CTNNA3: variants seen among roughly 807,000 people sequenced by gnomAD.
The protein encoded by CTNNA3 is catenin alpha 3.
A neutral mutation model predicts 95.7 loss-of-function variants in CTNNA3; 76 were observed. That is an observed-to-expected ratio of 0.79 (90% CI 0.66 to 0.96). The LOEUF (loss-of-function observed/expected upper bound fraction) is 0.96, where lower values mean the gene tolerates loss of function less well. Ranked by LOEUF, CTNNA3 falls within the 40% of genes least tolerant of loss-of-function variation. The probability of loss-of-function intolerance (pLI) is 0.00; values close to 1 mark genes in which losing one functional copy is unlikely to be tolerated. For synonymous variants in CTNNA3, 431 were observed against 374.4 expected (o/e 1.15, Z -1.74); for missense variants, 1,191 against 1,089.8 (o/e 1.09, Z -1.31).
intron 7 of CTNNA3, among the ~76,000 whole-genome samples, chr10:67,104,259 G>A (rs1431277564): frequency 6.6e-6 from 1 of 151,718 alleles, no homozygotes; most frequent in Non-Finnish European, 1.5e-5. Context: ...CAATGACATG[G>A]CTTGAGCTAC....
intron 5 of CTNNA3, among the ~76,000 whole-genome samples, chr10:67,224,225 A>C (rs1324301090): frequency 6.6e-6 from 1 of 152,132 alleles, no homozygotes; most frequent in Non-Finnish European, 1.5e-5. Context: ...GAAAGTGTAT[A>C]CCCTTTGACC....
intron 10 of CTNNA3, among the ~76,000 whole-genome samples, chr10:66,618,057 A>C (rs1373376235): frequency 6.6e-6 from 1 of 151,618 alleles, no homozygotes; most frequent in Admixed American, 6.6e-5. Flanking sequence ...CAAGGAAATA[A>C]AAAAGGATAC....
chr10:67,623,423 T>G (rs1227169591), intron 2 of CTNNA3, among the ~76,000 whole-genome samples: 1 of 151,858 alleles, frequency 6.6e-6, no homozygotes, highest in Admixed American at 6.6e-5. Context: ...TTAGAGGGGG[T>G]TGTGGTCAAG....
At chr10:66,244,379 G>T (rs1341656293) in intron 13 of CTNNA3, among the ~76,000 whole-genome samples, 2 of 152,186 alleles carry the variant, frequency 1.3e-5, no homozygotes, top group African/African-American at 4.8e-5. Context: ...TGACTGTAGA[G>T]CCCTAGGTCC....
chr10:66,438,355 C>A (rs139903129), intron 11 of CTNNA3, among the ~76,000 whole-genome samples: 1 of 152,158 alleles, frequency 6.6e-6, no homozygotes, highest in Non-Finnish European at 1.5e-5. Context: ...ATTTATAAGC[C>A]CCTGACTGTG....
intron 11 of CTNNA3, among the ~76,000 whole-genome samples, chr10:66,457,812 A>G (rs1004590207): frequency 9.2e-5 from 14 of 152,222 alleles, no homozygotes; most frequent in Non-Finnish European, 1.3e-4. Flanking sequence ...TGCAGATCCA[A>G]TTGCATCTTG....
chr10:66,791,087 T>C (rs1341297942), intron 7 of CTNNA3, among the ~76,000 whole-genome samples: 1 of 152,210 alleles, frequency 6.6e-6, no homozygotes, highest in Non-Finnish European at 1.5e-5. Flanking sequence ...CTACAGCCAG[T>C]GTGATCTTAA....
intron 11 of CTNNA3, among the ~76,000 whole-genome samples, chr10:66,462,992 C>T (rs549218362): frequency 1.6e-3 from 247 of 152,132 alleles, no homozygotes; most frequent in African/African-American, 5.7e-3. Flanking sequence ...GAGGAATGAA[C>T]GATAGGCAGT....
chr10:65,986,863 A>T (rs1387656319), intron 16 of CTNNA3, among the ~76,000 whole-genome samples: 1 of 151,736 alleles, frequency 6.6e-6, no homozygotes, highest in African/African-American at 2.4e-5. Context: ...AAAAAAAAAA[A>T]CCACATAGAC....
At chr10:67,535,191 A>G (rs886114975) in intron 4 of CTNNA3, among the ~76,000 whole-genome samples, 2 of 152,182 alleles carry the variant, frequency 1.3e-5, no homozygotes, top group Admixed American at 1.3e-4. Flanking sequence ...ATAAAGAAGC[A>G]TGGTTTATAC....
At chr10:66,798,041 T>C (rs1841281202) in intron 7 of CTNNA3, among the ~76,000 whole-genome samples, 1 of 151,848 alleles carries the variant, frequency 6.6e-6, no homozygotes. Context: ...CTATCTACTT[T>C]CTTCATGATA....
chr10:67,249,362 C>G (rs1743294758), intron 5 of CTNNA3, among the ~76,000 whole-genome samples: 1 of 152,172 alleles, frequency 6.6e-6, no homozygotes, highest in South Asian at 2.1e-4. Context: ...AAACCAAAAT[C>G]TATGATCTTC....
chr10:67,564,715 A>ATATATATG (rs1564744607), intron 3 of CTNNA3, among the ~76,000 whole-genome samples: 6 of 86,336 alleles, frequency 6.9e-5, no homozygotes, highest in African/African-American at 2.1e-4. Context: ...ATATATATAT[A>ATATATATG]TATCACTATG....
chr10:66,176,960 A>G (rs72795361), intron 13 of CTNNA3, among the ~76,000 whole-genome samples: 9,213 of 132,514 alleles, frequency 0.07, 340 homozygotes, highest in Admixed American at 0.11. Flanking sequence ...TTCTTAAGGG[A>G]AAAAAAAAAG....
At chr10:66,613,239 T>C (rs1389818650) in intron 10 of CTNNA3, among the ~76,000 whole-genome samples, 1 of 152,098 alleles carries the variant, frequency 6.6e-6, no homozygotes, top group Non-Finnish European at 1.5e-5. Context: ...CCATGACTTC[T>C]CCTCCACAAA....
At chr10:66,881,714 G>A (rs1844859104) in intron 7 of CTNNA3, among the ~76,000 whole-genome samples, 1 of 152,008 alleles carries the variant, frequency 6.6e-6, no homozygotes, top group South Asian at 2.1e-4. Flanking sequence ...AAGAGAAGAT[G>A]CTCACAAAGC....
rs561482827 is a variant in CTNNA3 at position 66,312,707 on chromosome 10, C to T, written c.1733-32086G>A. On this transcript the variant is annotated intron_variant, in intron 12 of 17. Transcript: ENST00000433211. ...GACTACAGGCATGCATCATCAGGCC[C>T]GGATAATTTTCTGTATTTTAGTAAA... Among the ~76,000 whole-genome samples, 12 of 152,022 alleles carry T rather than the reference C, an allele frequency of 7.9e-5. 1 individual carries two copies. The South Asian group carries it at 1.5e-3, about 18-fold the overall frequency.
At chr10:66,985,992 C>T (rs1479794811) in intron 7 of CTNNA3, among the ~76,000 whole-genome samples, 1 of 152,124 alleles carries the variant, frequency 6.6e-6, no homozygotes, top group Non-Finnish European at 1.5e-5. Context: ...TCCAAAAGTG[C>T]TGGGATTACA....
intron 10 of CTNNA3, among the ~76,000 whole-genome samples, chr10:66,569,544 G>A (rs900048600): frequency 3.9e-5 from 6 of 152,062 alleles, no homozygotes; most frequent in African/African-American, 1.4e-4. Flanking sequence ...TTTGTGCACA[G>A]AACAATTTTA....
Sources: gnomAD v4.1 joint callset for allele counts (sites outside exome capture counted in the v4.1 genomes callset) on GRCh38, gnomAD v4.1.1 for gene constraint, MANE v1.5 for transcripts, NCBI Gene and HGNC (gene_info 2026-07-23, HGNC 2026-07-21) for gene names.